The following C1orf146 variants were observed in gnomAD, a reference collection of about 807,000 sequenced individuals.
C1orf146 encodes the protein protein SPO16 homolog.
C1orf146 carries 22 observed loss-of-function variants against 23.0 expected under a neutral mutation model. That is an observed-to-expected ratio of 0.96 (90% confidence interval 0.68 to 1.36). The LOEUF (loss-of-function observed/expected upper bound fraction) is 1.36, where lower values mean the gene tolerates loss of function less well. Ranked by LOEUF, C1orf146 falls within the 40% of genes most tolerant of loss-of-function variation. The pLI, the probability that C1orf146 is intolerant of heterozygous loss-of-function variation, is 0.00. For missense variants in C1orf146, 199 were observed against 206.8 expected, an observed-to-expected ratio of 0.96 and a Z score of 0.23; for synonymous variants, 59 against 65.3, an observed-to-expected ratio of 0.90 and a Z score of 0.47.
At chr1:92,228,927 C>A in intron 1 of C1orf146, 1 of 418,708 alleles carries the variant, frequency 2.4e-6, no homozygotes, top group Non-Finnish European at 4.7e-6. Context: ...GTGAGGCTAG[C>A]ATGAGATGTA....
intron 2 of C1orf146, among the ~76,000 whole-genome samples, chr1:92,232,914 G>T (rs1323075318): frequency 6.6e-6 from 1 of 152,162 alleles, no homozygotes; most frequent in Admixed American, 6.5e-5. Context: ...CTTCTTTTGG[G>T]AAGTGTCTGT....
At chr1:92,224,418 T>G (rs151034051) in intron 1 of C1orf146, among the ~76,000 whole-genome samples, 1 of 152,218 alleles carries the variant, frequency 6.6e-6, no homozygotes, top group Non-Finnish European at 1.5e-5. Context: ...GTGTTTCTGG[T>G]GTCATACTAA....
chr1:92,221,393 C>G (rs1373560517), intron 1 of C1orf146, among the ~76,000 whole-genome samples: 4 of 152,262 alleles, frequency 2.6e-5, no homozygotes, highest in Non-Finnish European at 4.4e-5. Flanking sequence ...GTGCTCACTA[C>G]CTGGGTTACA....
intron 1 of C1orf146, among the ~76,000 whole-genome samples, chr1:92,226,826 A>G (rs751293458): frequency 4.0e-5 from 6 of 151,876 alleles, no homozygotes; most frequent in Non-Finnish European, 8.8e-5. Flanking sequence ...CTCAAGTTAT[A>G]TGTTCTTTTT....
At chr1:92,230,612 T>G (rs1231922765) in intron 1 of C1orf146, among the ~76,000 whole-genome samples, 1 of 144,694 alleles carries the variant, frequency 6.9e-6, no homozygotes. Context: ...CAAGATTCCG[T>G]CTCAAAAAAA....
Position 92,217,961 on chromosome 1 carries a change from C to T in C1orf146, c.-127C>T, listed in dbSNP as rs574513202. On this transcript the variant is annotated 5_prime_UTR_variant, in exon 1 of 6. Coordinates refer to ENST00000370375, the MANE Select transcript of C1orf146 (RefSeq NM_001012425.2). ...CCCTGCCCCAGGCACCCTGGGCGCT[C>T]TGCCCTACCGGCGGCGCCTCTCACT... 1 of 152,430 alleles carries T rather than the reference C, an allele frequency of 6.6e-6. No homozygotes were observed. The highest frequency in any genetic ancestry group is 2.4e-5 in the African/African-American group (1 of 41,586). 9.4% of individuals were successfully genotyped at this position (152,430 alleles called of 1,614,324 possible).
chr1:92,236,428 A>G (rs1652277777), intron 2 of C1orf146, among the ~76,000 whole-genome samples: 1 of 152,070 alleles, frequency 6.6e-6, no homozygotes, highest in African/African-American at 2.4e-5. Flanking sequence ...AGAATGTCGA[A>G]TATTGGCCCC....
chr1:92,238,885 C>T (rs961796820), intron 2 of C1orf146, among the ~76,000 whole-genome samples: 1 of 152,056 alleles, frequency 6.6e-6, no homozygotes, highest in African/African-American at 2.4e-5. Flanking sequence ...GCTTAATACA[C>T]TGCTTTTTAT....
intron 2 of C1orf146, among the ~76,000 whole-genome samples, chr1:92,232,613 G>C (rs1652160253): frequency 6.6e-6 from 1 of 152,078 alleles, no homozygotes; most frequent in African/African-American, 2.4e-5. Context: ...ATAGTCCTTT[G>C]GGTATTACCC....
chr1:92,234,753 G>C (rs1191663729), intron 2 of C1orf146, among the ~76,000 whole-genome samples: 4 of 152,112 alleles, frequency 2.6e-5, no homozygotes, highest in African/African-American at 9.7e-5. Context: ...GACTCTTTTT[G>C]GTTGGTAAGC....
intron 1 of C1orf146, among the ~76,000 whole-genome samples, chr1:92,230,346 C>T (rs550633312): frequency 7.9e-5 from 12 of 151,828 alleles, no homozygotes; most frequent in East Asian, 7.7e-4. Flanking sequence ...GGCGCGATGG[C>T]TCATGCCTGT....
intron 5 of C1orf146, among the ~76,000 whole-genome samples, chr1:92,245,215 C>A (rs183049224): frequency 1.3e-5 from 2 of 152,180 alleles, no homozygotes; most frequent in African/African-American, 4.8e-5. Flanking sequence ...TGTCTACTTT[C>A]TTTTCTTGCT....
intron 1 of C1orf146, among the ~76,000 whole-genome samples, chr1:92,228,675 T>C (rs3122318): frequency 1.3e-5 from 2 of 152,184 alleles, no homozygotes; most frequent in Non-Finnish European, 2.9e-5. Flanking sequence ...ACTGCTGGCC[T>C]TGCAGACTCA....
At chr1:92,233,627 T>G (rs977031666) in intron 2 of C1orf146, among the ~76,000 whole-genome samples, 23 of 152,172 alleles carry the variant, frequency 1.5e-4, no homozygotes, top group African/African-American at 5.3e-4. Flanking sequence ...TTTAAAGTAG[T>G]TTTTTCCAAT....
At chr1:92,234,611 T>C (rs1486156174) in intron 2 of C1orf146, among the ~76,000 whole-genome samples, 37 of 152,398 alleles carry the variant, frequency 2.4e-4, no homozygotes, top group Non-Finnish European at 4.3e-4. Context: ...GGTATCAGGA[T>C]GATGCTGGCC....
intron 1 of C1orf146, among the ~76,000 whole-genome samples, chr1:92,227,325 G>A (rs1048035938): frequency 6.6e-6 from 1 of 152,006 alleles, no homozygotes; most frequent in African/African-American, 2.4e-5. Flanking sequence ...GGCGGATCAC[G>A]AAGTCAGGAG....
chr1:92,233,522 A>G (rs1239800254), intron 2 of C1orf146, among the ~76,000 whole-genome samples: 1 of 152,034 alleles, frequency 6.6e-6, no homozygotes, highest in Non-Finnish European at 1.5e-5. Context: ...GCCTTGTAGT[A>G]TAGTTTGAAG....
intron 3 of C1orf146, among the ~76,000 whole-genome samples, chr1:92,242,899 A>AT (rs1244335731): frequency 3.3e-5 from 5 of 152,112 alleles, no homozygotes; most frequent in Admixed American, 2.0e-4. Flanking sequence ...GAGGTAAAGG[A>AT]TTTTATCTGG....
At chr1:92,219,142 C>G (rs1416717692) in intron 1 of C1orf146, among the ~76,000 whole-genome samples, 1 of 152,138 alleles carries the variant, frequency 6.6e-6, no homozygotes, top group Non-Finnish European at 1.5e-5. Flanking sequence ...GTTCTTGTAA[C>G]CTTTGCATAT....
Sources: allele counts gnomAD v4.1 joint callset (sites outside exome capture counted in the v4.1 genomes callset), GRCh38; gene constraint gnomAD v4.1.1; transcripts MANE v1.5; gene names NCBI Gene and HGNC (gene_info 2026-07-23, HGNC 2026-07-21).